DNAH17: variants seen among roughly 807,000 people sequenced by gnomAD.
DNAH17 encodes the protein axonemal beta dynein heavy chain 17.
DNAH17 carries 376 observed loss-of-function variants against 485.6 expected under a neutral mutation model. The observed-to-expected ratio is 0.77, with a 90% CI of 0.71 to 0.84. DNAH17 has a LOEUF of 0.84. Among genes scored for constraint, DNAH17 ranks in the 40% least tolerant of loss-of-function variants. The pLI is 0.00. For synonymous variants in DNAH17, 3,031 were observed against 2,405.9 expected, an observed-to-expected ratio of 1.26 and a Z score of -7.60; for missense variants, 6,370 against 5,839.3, an observed-to-expected ratio of 1.09 and a Z score of -2.96.
chr17:78,527,145 G>A, intron 22 of DNAH17, 149 bp from the exon 23 acceptor site: 1 of 624,294 alleles, frequency 1.6e-6, no homozygotes, highest in Non-Finnish European at 2.7e-6. Context: ...CACTTTGGGA[G>A]GCTGAGATGG....
intron 38 of DNAH17, among the ~76,000 whole-genome samples, chr17:78,495,471 C>T (rs1309440727): frequency 4.3e-5 from 6 of 138,476 alleles, no homozygotes; most frequent in African/African-American, 8.1e-5. Context: ...GAGTTTTGTT[C>T]TTGTTGCCCA....
intron 19 of DNAH17, among the ~76,000 whole-genome samples, chr17:78,533,857 TG>T (rs1302612586): frequency 6.6e-6 from 1 of 152,008 alleles, no homozygotes; most frequent in Non-Finnish European, 1.5e-5. Context: ...GCTAATTTTT[TG>T]CATTTTTATT....
intron 30 of DNAH17, among the ~76,000 whole-genome samples, chr17:78,506,140 ATTTTT>A (rs66859821): frequency 7.8e-6 from 1 of 128,286 alleles, no homozygotes. Flanking sequence ...CACCTAGTTA[ATTTTT>A]TTTTTTTTTT....
chr17:78,523,378 C>T (rs1241342595), intron 25 of DNAH17, among the ~76,000 whole-genome samples: 5 of 152,198 alleles, frequency 3.3e-5, no homozygotes, highest in African/African-American at 1.2e-4. Flanking sequence ...CCTGCCTTGG[C>T]CTCCCAAAGT....
At chr17:78,461,439 AGCCTTTCCCAC>A (rs2088121363) in intron 58 of DNAH17, 94 bp downstream of exon 58, 5 of 1,241,442 alleles carry the variant, frequency 4.0e-6, no homozygotes, top group Non-Finnish European at 5.3e-6. Context: ...TGTAAGTCTC[AGCCTTTCCCAC>A]GCCTGTCGGT....
intron 7 of DNAH17, 32 bp downstream of exon 7, chr17:78,570,215 G>A: frequency 1.9e-6 from 3 of 1,556,934 alleles, no homozygotes; most frequent in Middle Eastern, 1.7e-4. Flanking sequence ...CAGGAGGGGA[G>A]GAAGGGGACC....
At chr17:78,539,936 A>G (rs544589658) in intron 17 of DNAH17, 56 bp from the exon 18 acceptor site, 14 of 1,503,444 alleles carry the variant, frequency 9.3e-6, no homozygotes, top group East Asian at 4.8e-5. Context: ...TTGCTCTTTG[A>G]TCACACTGTT....
intron 9 of DNAH17, among the ~76,000 whole-genome samples, chr17:78,567,740 T>C (rs1447952635): frequency 6.6e-6 from 1 of 152,074 alleles, no homozygotes; most frequent in East Asian, 1.9e-4. Context: ...TTTTGGCCCA[T>C]AGCAATGCAT....
At chr17:78,571,246 C>G (rs373551049) in intron 5 of DNAH17, 33 bp downstream of exon 5, 1 of 1,573,878 alleles carries the variant, frequency 6.4e-7, no homozygotes, top group Non-Finnish European at 8.7e-7. Flanking sequence ...CAAACAGCTT[C>G]GTGCAGAACT....
Position 78,532,356 on chromosome 17 carries a change from G to A in DNAH17, c.3114+126C>T, listed in dbSNP as rs549190481. On this transcript the variant is annotated intron_variant, in intron 20 of 80. Transcript: ENST00000389840. Reference sequence around the variant, plus strand: ...TTTCTAATGGTGGTCACCTCCTGATGTTTGCCTTGCCCTACCTGGAAACCT... The same window carrying A: ...TTTCTAATGGTGGTCACCTCCTGATATTTGCCTTGCCCTACCTGGAAACCT... 19 of 1,337,816 alleles carry A rather than the reference G, an allele frequency of 1.4e-5. No individual in the cohort carries two copies. In the East Asian group the frequency reaches 4.0e-4, roughly 28 times the overall value. 82.9% of individuals were successfully genotyped at this position (1,337,816 alleles called of 1,614,324 possible).
chr17:78,575,009 A>C lies in DNAH17; in HGVS notation c.49T>G (p.Ser17Ala), dbSNP rs1283042153. ...TCCGGCTTGAACTTCAGGACGATGG[A>C]GGCAACTTCCTCCAGATACTCTAGT... Reference protein sequence around the residue: ...VRLEYLEEVASIVLKFKPDKW... With the variant: ...VRLEYLEEVAAIVLKFKPDKW... Residue 17 changes from serine to alanine, a missense_variant, in exon 2 of 81, where the codon TCC (serine) becomes GCC (alanine). By Grantham distance (99) the Ser-to-Ala change is moderately conservative. Transcript: ENST00000389840. The C allele has an allele frequency of 6.2e-7, 1 of 1,613,952 alleles. No homozygotes were observed. Among genetic ancestry groups the C allele is most frequent in the East Asian group, 2.2e-5 (1 of 44,886 alleles).
chr17:78,560,346 C>G (rs2092125224), intron 13 of DNAH17, among the ~76,000 whole-genome samples: 1 of 152,174 alleles, frequency 6.6e-6, no homozygotes, highest in Non-Finnish European at 1.5e-5. Flanking sequence ...GAATTCGGTT[C>G]CATCCTCTGC....
intron 26 of DNAH17, 126 bp from the exon 27 acceptor site, chr17:78,510,632 C>A (rs571330604): frequency 3.9e-5 from 51 of 1,302,534 alleles, no homozygotes; most frequent in Non-Finnish European, 5.0e-5. Context: ...GGGAGGGAGG[C>A]GAGCTCTGCT....
At chr17:78,464,328 TG>T (rs2088303601) in intron 56 of DNAH17, among the ~76,000 whole-genome samples, 1 of 152,184 alleles carries the variant, frequency 6.6e-6, no homozygotes, top group South Asian at 2.1e-4. Context: ...GGCACAATCT[TG>T]GCTTACTGAA....
intron 26 of DNAH17, 128 bp downstream of exon 26, chr17:78,514,646 G>T: frequency 7.6e-7 from 1 of 1,309,142 alleles, no homozygotes; most frequent in Non-Finnish European, 1.0e-6. Context: ...CACGAAGCCA[G>T]CCCTGCCCAC....
intron 7 of DNAH17, 42 bp downstream of exon 7, chr17:78,570,205 C>T: frequency 6.5e-7 from 1 of 1,543,130 alleles, no homozygotes; most frequent in African/African-American, 1.4e-5. Flanking sequence ...GGGACCCAGC[C>T]AGGAGGGGAG....
intron 20 of DNAH17, 36 bp from the exon 21 acceptor site, chr17:78,530,548 T>TG: frequency 6.3e-7 from 1 of 1,576,958 alleles, no homozygotes; most frequent in African/African-American, 1.3e-5. Context: ...TGTCATAGCC[T>TG]GCAAGCCTAG....
chr17:78,536,942 G>A (rs1358588211), intron 19 of DNAH17, among the ~76,000 whole-genome samples: 2 of 151,964 alleles, frequency 1.3e-5, no homozygotes, highest in East Asian at 1.9e-4. Flanking sequence ...TTGGGAGGCC[G>A]AGGCGGGTGG....
At chr17:78,451,763 G>C in intron 65 of DNAH17, 90 bp from the exon 66 acceptor site, 1 of 1,174,358 alleles carries the variant, frequency 8.5e-7, no homozygotes, top group Non-Finnish European at 1.2e-6. Context: ...CCCAGCCCCA[G>C]GCCAGGCCGC....
Sources: allele counts gnomAD v4.1 joint callset (sites outside exome capture counted in the v4.1 genomes callset), GRCh38; gene constraint gnomAD v4.1.1; transcripts MANE v1.5; gene names NCBI Gene and HGNC (gene_info 2026-07-23, HGNC 2026-07-21).